The following CES5A variants were observed in gnomAD, a reference collection of about 807,000 sequenced individuals.
CES5A encodes the protein carboxylesterase 5.
Under a neutral mutation model 62.9 loss-of-function variants are expected in CES5A, and 67 were observed. The observed-to-expected ratio is 1.07, with a 90% CI of 0.88 to 1.31. The LOEUF is 1.31. CES5A is among the 50% of genes most tolerant of loss of function. The pLI is 0.00. For synonymous variants in CES5A, 296 were observed against 280.8 expected, an observed-to-expected ratio of 1.05 and a Z score of -0.54; for missense variants, 748 against 708.5, an observed-to-expected ratio of 1.06 and a Z score of -0.63.
chr16:55,888,163 A>G (rs1041414355), intron 1 of CES5A, among the ~76,000 whole-genome samples: 1 of 152,172 alleles, frequency 6.6e-6, no homozygotes, highest in Non-Finnish European at 1.5e-5. Context: ...CTCCACAGGT[A>G]TCTCTGGTGT....
upstream of CES5A, among the ~76,000 whole-genome samples, chr16:55,927,286 C>G (rs1326558438): frequency 6.6e-6 from 1 of 152,116 alleles, no homozygotes; most frequent in Non-Finnish European, 1.5e-5. Context: ...AATGAAAAGG[C>G]TTCTGCACAG....
At chr16:55,955,753 T>C (rs1163477988) in intron 1 of CES5A, 76 of 1,414,064 alleles carry the variant, frequency 5.4e-5, no homozygotes, top group Non-Finnish European at 6.9e-5. Context: ...GTTGGGTGGG[T>C]AAATTTGCAT....
chr16:55,935,344 T>C (rs1192456231), intron 2 of CES5A, among the ~76,000 whole-genome samples: 1 of 152,220 alleles, frequency 6.6e-6, no homozygotes, highest in Non-Finnish European at 1.5e-5. Flanking sequence ...AGAGTCAGCC[T>C]TTCTGTTCTA....
chr16:55,906,458 A>G (rs1466919374), intron 1 of CES5A, among the ~76,000 whole-genome samples: 1 of 152,232 alleles, frequency 6.6e-6, no homozygotes, highest in Non-Finnish European at 1.5e-5. Context: ...TTCAGTGAAT[A>G]CTTATTGAAT....
At chr16:55,846,895 G>A (rs2142378128) in intron 11 of CES5A, 55 bp from the exon 12 acceptor site, 6 of 1,457,414 alleles carry the variant, frequency 4.1e-6, no homozygotes, top group Non-Finnish European at 5.8e-6. Context: ...GGGAAGCCCC[G>A]GGTGCCTTGT....
At chr16:55,921,470 T>G (rs1482207063) in intron 1 of CES5A, among the ~76,000 whole-genome samples, 18 of 151,370 alleles carry the variant, frequency 1.2e-4, no homozygotes, top group Non-Finnish European at 2.9e-5. Context: ...ACTTTCAAAG[T>G]GCTGAAAGAA....
chr16:55,853,649 C>G (rs573504448), intron 9 of CES5A, among the ~76,000 whole-genome samples: 382 of 152,284 alleles, frequency 2.5e-3, no homozygotes, highest in South Asian at 0.023. Flanking sequence ...ATGCTGCTTG[C>G]CCCAGAGCAG....
intron 2 of CES5A, 199 bp from the exon 3 acceptor site, chr16:55,871,962 G>A (rs2033598942): frequency 1.8e-6 from 1 of 543,326 alleles, no homozygotes; most frequent in African/African-American, 1.9e-5. Context: ...AATTCTCATT[G>A]ATCTGGTTCC....
At chr16:55,904,452 A>T (rs116377496) in intron 1 of CES5A, among the ~76,000 whole-genome samples, 2,111 of 152,284 alleles carry the variant, frequency 0.014, 63 homozygotes, top group African/African-American at 0.048. Context: ...GAGAAGGCCA[A>T]AGGAAGGCAG....
intron 8 of CES5A, among the ~76,000 whole-genome samples, chr16:55,857,261 G>A (rs562214002): frequency 2.6e-5 from 4 of 152,188 alleles, no homozygotes; most frequent in South Asian, 2.1e-4. Flanking sequence ...AGTACCTCCC[G>A]CGAGGGTGGT....
intron 1 of CES5A, among the ~76,000 whole-genome samples, chr16:55,952,235 A>G (rs1363529992): frequency 6.6e-6 from 1 of 152,154 alleles, no homozygotes; most frequent in Non-Finnish European, 1.5e-5. Context: ...AATGAATAAC[A>G]AGGAGAGGCC....
intron 2 of CES5A, among the ~76,000 whole-genome samples, chr16:55,931,918 T>C (rs1238707144): frequency 6.6e-6 from 1 of 152,206 alleles, no homozygotes; most frequent in Non-Finnish European, 1.5e-5. Flanking sequence ...AGTTAATGTT[T>C]GGCCCCTCTG....
chr16:55,867,315 C>T (rs1456907733), intron 4 of CES5A, among the ~76,000 whole-genome samples: 3 of 152,196 alleles, frequency 2.0e-5, no homozygotes, highest in Non-Finnish European at 4.4e-5. Context: ...TTTGGGATCC[C>T]ACACCCCCAT....
chr16:55,881,117 G>T (rs1356579825), intron 1 of CES5A, among the ~76,000 whole-genome samples: 1 of 152,146 alleles, frequency 6.6e-6, no homozygotes, highest in Non-Finnish European at 1.5e-5. Flanking sequence ...CCTGGCAGAA[G>T]GAAGCCTCTC....
chr16:55,859,968 A>T (rs1315758731), intron 7 of CES5A, among the ~76,000 whole-genome samples: 1 of 152,176 alleles, frequency 6.6e-6, no homozygotes. Context: ...GTGGCCTGTT[A>T]TATGGTTTGG....
chr16:55,846,369 A>T lies in CES5A; in HGVS notation c.*82T>A. ...TTTTGCAAGGATCCCCATAGAAAGC[A>T]GCTGAGCTCAGAAAGAAGCTAATGA... On this transcript the variant is annotated 3_prime_UTR_variant, in exon 13 of 13. Coordinates refer to ENST00000290567, the MANE Select transcript of CES5A (RefSeq NM_001143685.2). The T allele has an allele frequency of 9.6e-7, 1 of 1,045,992 alleles. No homozygotes were observed. The highest frequency in any genetic ancestry group is 1.5e-6 in the Non-Finnish European group (1 of 688,292). The allele number at this position is 1,045,992 out of a possible 1,614,324, so 64.8% of individuals were successfully genotyped here.
intron 1 of CES5A, among the ~76,000 whole-genome samples, chr16:55,921,761 A>G (rs1327033815): frequency 2.0e-5 from 3 of 152,028 alleles, no homozygotes; most frequent in African/African-American, 7.2e-5. Context: ...CAATCCACTC[A>G]TAACTCTAGT....
In CES5A at chr16:55,888,679, G is replaced by A. The variant is rs541858084; in HGVS notation, c.-255-14642C>T. Among the ~76,000 whole-genome samples the A allele has an allele frequency of 9.5e-4, 144 of 152,290 alleles. 1 individual carries two copies. The highest frequency in any genetic ancestry group is 1.7e-3 in the Non-Finnish European group (117 of 68,024). ...AGATTTCCATTTTCATTTATTGGTT[G>A]TGTCAGTCACTGTGCTAAGCACTTT... On this transcript the variant is annotated intron_variant, in intron 1 of 12. Coordinates refer to the CES5A transcript ENST00000518005.
chr16:55,955,213 C>T (rs1175545525), intron 1 of CES5A, among the ~76,000 whole-genome samples: 1 of 151,930 alleles, frequency 6.6e-6, no homozygotes, highest in Non-Finnish European at 1.5e-5. Context: ...CTTTTTTTTC[C>T]CTTCTTTTTC....
Sources: allele counts gnomAD v4.1 joint callset (sites outside exome capture counted in the v4.1 genomes callset), GRCh38; gene constraint gnomAD v4.1.1; transcripts MANE v1.5; gene names NCBI Gene and HGNC (gene_info 2026-07-23, HGNC 2026-07-21).